EPHA6: variants seen among roughly 807,000 people sequenced by gnomAD.
The protein encoded by EPHA6 is ephrin type-A receptor 6.
In EPHA6, 50 loss-of-function variants were observed where a neutral mutation model predicts 112.0. That is an observed-to-expected ratio of 0.45 (90% CI 0.36 to 0.56). The LOEUF (loss-of-function observed/expected upper bound fraction) is 0.56, where lower values mean the gene tolerates loss of function less well. Ranked by LOEUF, EPHA6 falls within the 20% of genes least tolerant of loss-of-function variation. EPHA6 has a pLI of 0.00. For synonymous variants in EPHA6, 529 were observed against 490.7 expected, an observed-to-expected ratio of 1.08 and a Z score of -1.03; for missense variants, 1,280 against 1,417.4, an observed-to-expected ratio of 0.90 and a Z score of 1.56.
chr3:96,829,946 C>CGCGT (rs2033925040), intron 1 of EPHA6, among the ~76,000 whole-genome samples: 1 of 108,200 alleles, frequency 9.2e-6, no homozygotes, highest in African/African-American at 3.5e-5. Flanking sequence ...TGTGCGCGCG[C>CGCGT]GCGCACACAC....
In EPHA6 at chr3:97,760,450, T is replaced by A. The variant is rs1394722055; in HGVS notation, c.*11749T>A. The A allele has an allele frequency of 5.8e-6, 1 of 173,378 alleles. No homozygotes were observed. Among genetic ancestry groups the A allele is most frequent in the Non-Finnish European group, 1.2e-5 (1 of 80,430 alleles). The allele number at this position is 173,378 out of a possible 1,614,324, so 10.7% of individuals were successfully genotyped here. A position where few individuals can be genotyped will look rare whatever the true frequency, so the allele number is the denominator to read the frequency against. ...TTGTATGTAATTCAATATGTTGGAA[T>A]TTAAAGATGCATTATTATTTGGATT... is the stretch of plus-strand genomic sequence containing the variant. On this transcript the variant is annotated 3_prime_UTR_variant, in exon 18 of 18. Coordinates refer to ENST00000389672, the MANE Select transcript of EPHA6 (RefSeq NM_001080448.3).
At chr3:97,514,651 C>G (rs780146639) in intron 10 of EPHA6, among the ~76,000 whole-genome samples, 20 of 152,068 alleles carry the variant, frequency 1.3e-4, no homozygotes, top group Non-Finnish European at 2.2e-4. Context: ...TATAGTATGA[C>G]TATGTTTGGA....
intron 11 of EPHA6, among the ~76,000 whole-genome samples, chr3:97,563,017 T>C (rs907470445): frequency 6.6e-6 from 1 of 152,178 alleles, no homozygotes; most frequent in Non-Finnish European, 1.5e-5. Flanking sequence ...CTACAGTATA[T>C]TGCAAGCATA....
intron 2 of EPHA6, among the ~76,000 whole-genome samples, chr3:96,974,273 C>T (rs904510995): frequency 6.8e-6 from 1 of 147,704 alleles, no homozygotes; most frequent in African/African-American, 2.5e-5. Context: ...GGCTTTTTGG[C>T]CTAGTTTATT....
In EPHA6 at chr3:97,700,584, T is replaced by A. The variant is rs1348311307; in HGVS notation, c.2785-19677T>A. Among the ~76,000 whole-genome samples, 4 of 152,186 alleles carry A rather than the reference T, an allele frequency of 2.6e-5. No individual in the cohort carries two copies. The East Asian group carries it at 7.7e-4, about 29-fold the overall frequency. ...TTTGTGTAACTTTTAGGAAATCAAC[T>A]TTAGCTTAGCTGAACAGAATATCTA... On this transcript the variant is annotated intron_variant, in intron 14 of 17. Coordinates refer to ENST00000389672, the MANE Select transcript of EPHA6 (RefSeq NM_001080448.3).
At chr3:97,143,915 G>A (rs1339769188) in intron 3 of EPHA6, among the ~76,000 whole-genome samples, 1 of 151,470 alleles carries the variant, frequency 6.6e-6, no homozygotes, top group Admixed American at 6.6e-5. Context: ...GGTTTTTAAA[G>A]GAAAAATGAG....
At chr3:97,492,596 C>G (rs55840294) in intron 10 of EPHA6, among the ~76,000 whole-genome samples, 1 of 74,132 alleles carries the variant, frequency 1.3e-5, no homozygotes, top group African/African-American at 4.3e-5. Context: ...AAAAAAAAAC[C>G]GTGGATAATG....
At chr3:97,002,420 C>A (rs1219046049) in intron 3 of EPHA6, among the ~76,000 whole-genome samples, 10 of 139,526 alleles carry the variant, frequency 7.2e-5, no homozygotes, top group Non-Finnish European at 1.4e-4. Flanking sequence ...TTTTTTTTTT[C>A]AGAAATTCTC....
rs533946138 is a variant in EPHA6, at chr3:97,402,713, G to A, written c.1607-2437G>A. Among the ~76,000 whole-genome samples, 7 of 152,052 alleles carry A rather than the reference G, an allele frequency of 4.6e-5. No homozygotes were observed. The South Asian group carries it at 1.5e-3, about 32-fold the overall frequency. On this transcript the variant is annotated intron_variant, in intron 5 of 17. Transcript: ENST00000389672. ...TCATATGACAAACTTTTATTTCCTAGTGACTTCTGTAATTCTCTCTCGAGA... is the reference window on the plus strand; with the variant it reads ...TCATATGACAAACTTTTATTTCCTAATGACTTCTGTAATTCTCTCTCGAGA...
chr3:97,182,363 T>C (rs1043831896), intron 3 of EPHA6, among the ~76,000 whole-genome samples: 4 of 149,530 alleles, frequency 2.7e-5, no homozygotes, highest in Non-Finnish European at 5.9e-5. Flanking sequence ...AATAAATATG[T>C]TTGTTTCATA....
intron 2 of EPHA6, among the ~76,000 whole-genome samples, chr3:96,977,660 A>G (rs1276041381): frequency 1.3e-5 from 2 of 151,844 alleles, no homozygotes; most frequent in African/African-American, 4.9e-5. Context: ...GTTAAAATTG[A>G]CCCCTTGAAC....
intron 5 of EPHA6, among the ~76,000 whole-genome samples, chr3:97,245,550 T>A (rs1266166800): frequency 6.6e-6 from 1 of 152,024 alleles, no homozygotes; most frequent in African/African-American, 2.4e-5. Flanking sequence ...TTGATTTGAA[T>A]GTGTTGTGAT....
chr3:97,490,490 T>G (rs2091812161), intron 10 of EPHA6, among the ~76,000 whole-genome samples: 1 of 152,188 alleles, frequency 6.6e-6, no homozygotes, highest in African/African-American at 2.4e-5. Flanking sequence ...AAGTTATTTT[T>G]CAAATTTGTT....
At chr3:97,569,857 G>A (rs1439442885) in intron 11 of EPHA6, 2 of 152,070 alleles carry the variant, frequency 1.3e-5, no homozygotes, top group African/African-American at 4.8e-5. Flanking sequence ...TTTTTTTCCT[G>A]GTTCATGTTG....
intron 3 of EPHA6, among the ~76,000 whole-genome samples, chr3:97,115,437 A>T (rs2047856919): frequency 6.6e-6 from 1 of 151,756 alleles, no homozygotes; most frequent in Non-Finnish European, 1.5e-5. Flanking sequence ...CTAATGTAAG[A>T]TTTGCAGGGG....
At chr3:97,359,454 T>A (rs1325257924) in intron 5 of EPHA6, among the ~76,000 whole-genome samples, 11 of 147,798 alleles carry the variant, frequency 7.4e-5, no homozygotes, top group Admixed American at 6.8e-4. Context: ...CATACATTGT[T>A]TTTTTTTTTT....
intron 9 of EPHA6, among the ~76,000 whole-genome samples, chr3:97,483,212 A>C (rs2107495599): frequency 6.6e-6 from 1 of 152,328 alleles, no homozygotes; most frequent in Non-Finnish European, 1.5e-5. Context: ...TTTTCTAGCC[A>C]TCCTTTCTCA....
chr3:96,954,624 G>A (rs570050084), intron 2 of EPHA6, among the ~76,000 whole-genome samples: 34 of 152,032 alleles, frequency 2.2e-4, no homozygotes, highest in Non-Finnish European at 4.6e-4. Context: ...ACTCATGGCT[G>A]TTTACCTAAC....
intron 3 of EPHA6, among the ~76,000 whole-genome samples, chr3:97,130,614 C>A (rs373652424): frequency 6.6e-6 from 1 of 152,084 alleles, no homozygotes; most frequent in African/African-American, 2.4e-5. Flanking sequence ...TTATACACAT[C>A]CTAATTTGTT....
Sources: gnomAD v4.1 joint callset for allele counts (sites outside exome capture counted in the v4.1 genomes callset) on GRCh38, gnomAD v4.1.1 for gene constraint, MANE v1.5 for transcripts, NCBI Gene and HGNC (gene_info 2026-07-23, HGNC 2026-07-21) for gene names.